Variants in ZFHX3 observed in about 807,000 individuals in gnomAD.
The protein encoded by ZFHX3 is zinc finger homeobox 3.
ZFHX3 carries 42 observed loss-of-function variants against 279.1 expected under a neutral mutation model. The ratio of observed to expected loss-of-function variants is 0.15; its 90% CI spans 0.12 to 0.19. The LOEUF (loss-of-function observed/expected upper bound fraction) is 0.19, where lower values mean the gene tolerates loss of function less well. Ranked by LOEUF, ZFHX3 falls within the 10% of genes least tolerant of loss-of-function variation. ZFHX3 has a pLI of 1.00. For missense variants in ZFHX3, 4,981 were observed against 4,754.0 expected, an observed-to-expected ratio of 1.05 and a Z score of -1.40; for synonymous variants, 2,293 against 1,957.8, an observed-to-expected ratio of 1.17 and a Z score of -4.52.
At chr16:73,082,801 A>C (rs1313393528) in intron 8 of ZFHX3, among the ~76,000 whole-genome samples, 1 of 152,194 alleles carries the variant, frequency 6.6e-6, no homozygotes, top group African/African-American at 2.4e-5. Context: ...AATCACAGAA[A>C]GGATGACACA....
intron 2 of ZFHX3, among the ~76,000 whole-genome samples, chr16:73,545,404 G>A (rs564586726): frequency 6.6e-6 from 1 of 152,202 alleles, no homozygotes; most frequent in African/African-American, 2.4e-5. Context: ...TTAGCACAGC[G>A]CTGGGCCGCC....
chr16:73,491,204 C>T (rs1466644312), intron 2 of ZFHX3, among the ~76,000 whole-genome samples: 1 of 152,194 alleles, frequency 6.6e-6, no homozygotes, highest in Non-Finnish European at 1.5e-5. Context: ...AGTCCTCCTT[C>T]CTCTTGAAGC....
intron 3 of ZFHX3, chr16:73,401,284 C>T (rs922403673): frequency 6.6e-5 from 10 of 151,732 alleles, no homozygotes; most frequent in African/African-American, 1.5e-4. Flanking sequence ...TTTTAATGCC[C>T]AGTGTTCCCT....
Position 72,784,844 on chromosome 16 carries a change from TACA to T in ZFHX3, c.*2317_*2319del, listed in dbSNP as rs2035289094. 1 of 152,450 alleles carries T rather than the reference TACA, an allele frequency of 6.6e-6. No individual in the cohort carries two copies. The highest frequency in any genetic ancestry group is 1.5e-5 in the Non-Finnish European group (1 of 68,010). The allele number at this position is 152,450 out of a possible 1,614,324, so 9.4% of individuals were successfully genotyped here. On this transcript the variant is annotated 3_prime_UTR_variant, in exon 10 of 10. Transcript: ENST00000268489. ...GTGCATCAGCCTAGTTAGAAATATG[TACA>T]ACATTTCAGGATCTACTATTTCATT...
At chr16:73,562,378 G>A (rs1056389411) in intron 2 of ZFHX3, among the ~76,000 whole-genome samples, 2 of 152,044 alleles carry the variant, frequency 1.3e-5, no homozygotes, top group Non-Finnish European at 1.5e-5. Flanking sequence ...GGCGGATCAC[G>A]AGGTCAGGAG....
intron 2 of ZFHX3, among the ~76,000 whole-genome samples, chr16:73,529,771 A>T (rs2019762854): frequency 6.6e-6 from 1 of 152,144 alleles, no homozygotes; most frequent in South Asian, 2.1e-4. Context: ...GAGTGCTCGA[A>T]ATAATTGTGT....
intron 3 of ZFHX3, among the ~76,000 whole-genome samples, chr16:72,936,404 T>C (rs1394755024): frequency 6.6e-6 from 1 of 152,200 alleles, no homozygotes; most frequent in African/African-American, 2.4e-5. Flanking sequence ...ACAACTAAAT[T>C]AATGAACAGA....
chr16:72,881,686 G>T (rs1481574574), intron 4 of ZFHX3, among the ~76,000 whole-genome samples: 1 of 152,152 alleles, frequency 6.6e-6, no homozygotes, highest in African/African-American at 2.4e-5. Context: ...CTAGGATAGG[G>T]GATCCATATG....
intron 3 of ZFHX3, among the ~76,000 whole-genome samples, chr16:72,918,695 C>CTTT (rs568638106): frequency 1.5e-5 from 2 of 130,696 alleles, no homozygotes; most frequent in African/African-American, 5.6e-5. Flanking sequence ...AAAGGTAGTT[C>CTTT]TTTTTTTTTT....
chr16:73,400,507 T>C (rs1451386590), intron 3 of ZFHX3: 1 of 152,194 alleles, frequency 6.6e-6, no homozygotes, highest in Non-Finnish European at 1.5e-5. Flanking sequence ...TCTGACTTCC[T>C]TCCCTCAGAA....
chr16:73,838,218 T>C (rs1316123730), intron 1 of ZFHX3, among the ~76,000 whole-genome samples: 1 of 152,232 alleles, frequency 6.6e-6, no homozygotes, highest in African/African-American at 2.4e-5. Context: ...AGGACTTACA[T>C]GTTGCTTTTC....
chr16:73,085,730 G>A (rs1277643340), intron 8 of ZFHX3, among the ~76,000 whole-genome samples: 1 of 152,052 alleles, frequency 6.6e-6, no homozygotes, highest in Admixed American at 6.6e-5. Flanking sequence ...GAAACTCCTA[G>A]AAGAAAACAT....
At chr16:73,866,599 C>T (rs1962028137) in intron 1 of ZFHX3, among the ~76,000 whole-genome samples, 2 of 152,044 alleles carry the variant, frequency 1.3e-5, no homozygotes, top group South Asian at 4.2e-4. Flanking sequence ...TTATTTACTC[C>T]AGGCCCCAAA....
chr16:73,326,399 G>C (rs961356289), intron 3 of ZFHX3, among the ~76,000 whole-genome samples: 1 of 152,196 alleles, frequency 6.6e-6, no homozygotes, highest in Non-Finnish European at 1.5e-5. Flanking sequence ...GTGCAATGCA[G>C]TGGGTGCTCA....
At chr16:73,862,667 T>C (rs1961913921) in intron 1 of ZFHX3, among the ~76,000 whole-genome samples, 1 of 151,982 alleles carries the variant, frequency 6.6e-6, no homozygotes, top group African/African-American at 2.4e-5. Context: ...GTCTCAGCTA[T>C]TTGGGAGGCT....
At chr16:73,759,130 C>G (rs983344020) in intron 1 of ZFHX3, among the ~76,000 whole-genome samples, 3 of 152,238 alleles carry the variant, frequency 2.0e-5, no homozygotes, top group Non-Finnish European at 4.4e-5. Context: ...CTAATACTGA[C>G]TTAAACAAGA....
chr16:73,610,635 T>C (rs1166492476), intron 2 of ZFHX3, among the ~76,000 whole-genome samples: 2 of 152,246 alleles, frequency 1.3e-5, no homozygotes, highest in Non-Finnish European at 2.9e-5. Flanking sequence ...ATTCCTCGAA[T>C]GTTCCTGAGT....
intron 1 of ZFHX3, chr16:73,796,351 T>C (rs745916135): frequency 4.6e-5 from 7 of 152,194 alleles, no homozygotes; most frequent in East Asian, 1.9e-4. Flanking sequence ...ATAATGTTGC[T>C]GGTAGCAAAG....
At chr16:73,725,748 G>T (rs558324101) in intron 1 of ZFHX3, among the ~76,000 whole-genome samples, 24 of 152,110 alleles carry the variant, frequency 1.6e-4, no homozygotes, top group Non-Finnish European at 3.4e-4. Flanking sequence ...CCACTTGGAA[G>T]TAGGGATGGA....
Sources: allele counts gnomAD v4.1 joint callset (sites outside exome capture counted in the v4.1 genomes callset), GRCh38; gene constraint gnomAD v4.1.1; transcripts MANE v1.5; gene names NCBI Gene and HGNC (gene_info 2026-07-23, HGNC 2026-07-21).